EEF1D: variants seen among roughly 807,000 people sequenced by gnomAD.
The protein encoded by EEF1D is eukaryotic translation elongation factor 1 delta.
EEF1D carries 47 observed loss-of-function variants against 63.9 expected under a neutral mutation model. That is an observed-to-expected ratio of 0.74 (90% CI 0.58 to 0.94). The LOEUF is 0.94. EEF1D is among the 40% of genes least tolerant of loss of function. The pLI is 0.00. For missense variants in EEF1D, 907 were observed against 899.0 expected, an observed-to-expected ratio of 1.01 and a Z score of -0.11; for synonymous variants, 412 against 386.1, an observed-to-expected ratio of 1.07 and a Z score of -0.79.
Position 143,581,234 on chromosome 8 carries a change from C to A in EEF1D, c.1382G>T (p.Arg461Leu), listed in dbSNP as rs555518338. Residue 461 changes from arginine to leucine, a missense_variant, in exon 6 of 10, where the codon CGT becomes CTT. Physicochemically the swap from Arg to Leu is moderately radical, Grantham distance 102 (BLOSUM62 -2). Coordinates refer to ENST00000618139, the MANE Select transcript of EEF1D (RefSeq NM_001130053.5). ...ASLEVENQSL[R>L]GVVQELQQAI... ...CCACTGGCCCGGGGCCTCACCGCCA[C>A]GCAGACTCTGGTTCTCCACTTCCAG... 1 of 1,612,800 alleles carries A rather than the reference C, an allele frequency of 6.2e-7. No homozygotes were observed. Among genetic ancestry groups the A allele is most frequent in the East Asian group, 2.2e-5 (1 of 44,870 alleles).
chr8:143,581,115 G>A lies in EEF1D; in HGVS notation c.1427C>T (p.Ala476Val), dbSNP rs766834886. The change falls in exon 7 of 10, where the codon GCC (alanine) becomes GTC (valine). Residue 476 changes from alanine to valine, a missense_variant. By Grantham distance (64) the Ala-to-Val change is moderately conservative. Coordinates refer to ENST00000618139, the MANE Select transcript of EEF1D (RefSeq NM_001130053.5). ...GCTCTTCTCCAGCACGTTCAGCCGGGCCTCCAGCTTGGAGATGGCCTGCTG... is the reference window on the plus strand; with the variant it reads ...GCTCTTCTCCAGCACGTTCAGCCGGACCTCCAGCTTGGAGATGGCCTGCTG... ...ELQQAISKLE[A>V]RLNVLEKSSP... 1.2e-6 allele frequency: 2 copies of A among 1,612,940 alleles called. No homozygotes were observed. Among genetic ancestry groups the A allele is most frequent in the Non-Finnish European group, 8.5e-7 (1 of 1,179,968 alleles).
rs376504350 is a variant in EEF1D, at chr8:143,589,848, C to T, written c.234G>A (p.Gln78=). The T allele has an allele frequency of 9.4e-6, 15 of 1,603,676 alleles. No individual in the cohort carries two copies. The highest frequency in any genetic ancestry group is 5.0e-5 in the Admixed American group (3 of 59,494). ...GGSRRDPRKS[Q]DSRKPLQKKR... The stretch of plus-strand genomic sequence containing the variant: ...TTTTCTGCAGGGGCTTCCTGCTGTC[C>T]TGGCTCTTCCTGGGATCACGCCTGC... The change falls in exon 3 of 10, where the codon CAG becomes CAA. Residue 78 remains glutamine, a synonymous_variant. Transcript: ENST00000618139.
intron 5 of EEF1D, among the ~76,000 whole-genome samples, chr8:143,584,667 T>C (rs536113121): frequency 6.6e-6 from 1 of 150,672 alleles, no homozygotes; most frequent in East Asian, 2.0e-4. Context: ...TCAGAGGAGG[T>C]GAGGAGCAGG....
intron 5 of EEF1D, 144 bp downstream of exon 5, chr8:143,586,075 G>A (rs1172854738): frequency 1.7e-5 from 11 of 641,502 alleles, no homozygotes; most frequent in Non-Finnish European, 3.0e-5. Flanking sequence ...GGAGGTCACA[G>A]AGCCACACGT....
chr8:143,590,107 A>G (rs1356343473), intron 2 of EEF1D, 26 bp from the exon 3 acceptor site: 1 of 1,598,170 alleles, frequency 6.3e-7, no homozygotes, highest in Admixed American at 1.7e-5. Context: ...ATAAAAAGCA[A>G]GCAGAGGGCA....
chr8:143,596,547 G>C (rs1199811838), intron 1 of EEF1D: 3 of 152,314 alleles, frequency 2.0e-5, no homozygotes, highest in African/African-American at 7.2e-5. Context: ...CAGGTGAGAT[G>C]GCCTGGCCTG....
chr8:143,580,377 C>T, intron 8 of EEF1D, 129 bp downstream of exon 8: 1 of 1,303,012 alleles, frequency 7.7e-7, no homozygotes, highest in Non-Finnish European at 1.1e-6. Flanking sequence ...GTGTTTATCC[C>T]AAGACTTCTA....
intron 1 of EEF1D, among the ~76,000 whole-genome samples, chr8:143,595,132 C>T (rs752952074): frequency 5.9e-5 from 9 of 152,176 alleles, no homozygotes; most frequent in Admixed American, 1.3e-4. Context: ...TGCAGTGGTA[C>T]GATCTCAGCT....
In EEF1D at chr8:143,592,118, G is replaced by C. The variant is rs146835873; in HGVS notation, c.-1+529C>G. 8.8e-5 allele frequency: 86 copies of C among 972,298 alleles called. No homozygotes were observed. In the African/African-American group the frequency reaches 1.4e-3, roughly 16 times the overall value. The allele number at this position is 972,298 out of a possible 1,614,324, so 60.2% of individuals were successfully genotyped here. On this transcript the variant is annotated intron_variant, in intron 2 of 9. Coordinates refer to ENST00000618139, the MANE Select transcript of EEF1D (RefSeq NM_001130053.5). ...GCCAGGCTGATGGGCAGAGGCAGGG[G>C]TTGTGGGTTGGGGGTGGGGTGGGAG... is the stretch of plus-strand genomic sequence containing the variant.
chr8:143,592,359 G>A, intron 2 of EEF1D: 10 of 857,134 alleles, frequency 1.2e-5, no homozygotes, highest in Non-Finnish European at 1.4e-5. Flanking sequence ...GCCACTTCAA[G>A]GCTCCTACCG....
intron 5 of EEF1D, among the ~76,000 whole-genome samples, chr8:143,584,771 ACCATGGG>A (rs1277836525): frequency 1.3e-5 from 2 of 151,812 alleles, no homozygotes; most frequent in African/African-American, 4.8e-5. Context: ...AGCGGGGGGG[ACCATGGG>A]CCACACAGGA....
At chr8:143,593,932 T>C (rs900712523) in intron 1 of EEF1D, 1 of 985,320 alleles carries the variant, frequency 1.0e-6, no homozygotes, top group African/African-American at 1.7e-5. Flanking sequence ...CTTCAAAGCT[T>C]GCGCAGACGA....
intron 3 of EEF1D, 180 bp downstream of exon 3, chr8:143,588,811 C>T (rs1157383116): frequency 2.4e-6 from 2 of 846,256 alleles, no homozygotes; most frequent in African/African-American, 3.4e-5. Flanking sequence ...CCCTGGAACC[C>T]ACAAGCGCAG....
At chr8:143,590,143 AG>A in intron 2 of EEF1D, 62 bp from the exon 3 acceptor site, 1 of 1,596,188 alleles carries the variant, frequency 6.3e-7, no homozygotes, top group East Asian at 2.2e-5. Flanking sequence ...GGGTGGCCGC[AG>A]CCCCGTGCCC....
rs1324769416 is a variant in EEF1D, at chr8:143,580,705, A to C, written c.1511T>G (p.Val504Gly). The C allele has an allele frequency of 6.2e-7, 1 of 1,613,452 alleles. No individual in the cohort carries two copies. Among genetic ancestry groups the C allele is most frequent in the Non-Finnish European group, 8.5e-7 (1 of 1,179,988 alleles). Residue 504 changes from valine (V) to glycine (G), a missense_variant, in exon 8 of 10, where the codon GTG becomes GGG. Val to Gly is a moderately radical substitution (Grantham distance 109). Coordinates refer to ENST00000618139, the MANE Select transcript of EEF1D (RefSeq NM_001130053.5). ...QTQHVSPMRQ[V>G]EPPAKKPATP... The stretch of plus-strand genomic sequence containing the variant: ...GGCTGGCTTCTTGGCTGGGGGCTCC[A>C]CTTGGCGCATGGGAGATACGTGCTG...
In EEF1D at chr8:143,589,269, G is replaced by A. The variant is rs1189634706; in HGVS notation, c.813C>T (p.Ala271=). The change falls in exon 3 of 10, where the codon GCC becomes GCT. Residue 271 remains alanine, a synonymous_variant. Coordinates refer to ENST00000618139, the MANE Select transcript of EEF1D (RefSeq NM_001130053.5). ...LQERAGLAEG[A]RRGRRDRRGR... is the part of the protein sequence containing the mutation. The stretch of plus-strand genomic sequence containing the variant: ...CCCGCCGGTCTCTGCGGCCCCGCCG[G>A]GCACCCTCGGCCAGGCCGGCTCGCT... 5 of 1,587,672 alleles carry A rather than the reference G, an allele frequency of 3.1e-6. No individual in the cohort carries two copies. Among genetic ancestry groups the A allele is most frequent in the South Asian group, 2.3e-5 (2 of 88,360 alleles).
At chr8:143,588,385 T>C (rs1356877580) in intron 3 of EEF1D, among the ~76,000 whole-genome samples, 3 of 152,164 alleles carry the variant, frequency 2.0e-5, no homozygotes, top group Non-Finnish European at 4.4e-5. Context: ...CTGCTGGGGT[T>C]GCACCTGCAC....
chr8:143,591,962 C>T (rs1436635066), intron 2 of EEF1D: 15 of 909,578 alleles, frequency 1.6e-5, no homozygotes, highest in African/African-American at 3.6e-5. Flanking sequence ...GCCCGAATCC[C>T]GCAGTCCCAG....
At chr8:143,591,680 G>A (rs962563190) in intron 2 of EEF1D, among the ~76,000 whole-genome samples, 10 of 152,352 alleles carry the variant, frequency 6.6e-5, no homozygotes, top group African/African-American at 2.4e-4. Context: ...AGACCCAGTG[G>A]CCCCAGGGCA....
Sources: gnomAD v4.1 joint callset for allele counts (sites outside exome capture counted in the v4.1 genomes callset) on GRCh38, gnomAD v4.1.1 for gene constraint, MANE v1.5 for transcripts, NCBI Gene and HGNC (gene_info 2026-07-23, HGNC 2026-07-21) for gene names.